DAW1: variants seen among roughly 807,000 people sequenced by gnomAD.
DAW1 encodes dynein assembly factor with WD repeat domains 1.
In DAW1, 47 loss-of-function variants were observed where a neutral mutation model predicts 56.5. The observed-to-expected ratio is 0.83, with a 90% confidence interval of 0.66 to 1.06. DAW1 has a LOEUF of 1.06. DAW1 is among the 50% of genes least tolerant of loss of function. The pLI is 0.00. For missense variants in DAW1, 505 were observed against 499.3 expected, an observed-to-expected ratio of 1.01 and a Z score of -0.11; for synonymous variants, 190 against 179.0, an observed-to-expected ratio of 1.06 and a Z score of -0.49.
At chr2:227,915,553 C>T (rs1479433080) in intron 10 of DAW1, among the ~76,000 whole-genome samples, 1 of 152,042 alleles carries the variant, frequency 6.6e-6, no homozygotes, top group Non-Finnish European at 1.5e-5. Context: ...CTGTGTGATG[C>T]TAAACTATTT....
At chr2:227,920,868 C>T (rs1316970829) in intron 11 of DAW1, among the ~76,000 whole-genome samples, 2 of 152,124 alleles carry the variant, frequency 1.3e-5, no homozygotes, top group Non-Finnish European at 2.9e-5. Context: ...TTAGTAGCGA[C>T]GGGGTTTCGC....
intron 8 of DAW1, 71 bp from the exon 9 acceptor site, chr2:227,906,165 G>T: frequency 8.3e-7 from 1 of 1,204,382 alleles, no homozygotes; most frequent in Non-Finnish European, 1.2e-6. Context: ...AGATGGGCTT[G>T]GCCTCATTAT....
At chr2:227,879,783 T>C (rs1690968571) in intron 1 of DAW1, among the ~76,000 whole-genome samples, 1 of 152,142 alleles carries the variant, frequency 6.6e-6, no homozygotes, top group Admixed American at 6.5e-5. Context: ...AACAATACAT[T>C]CTTTCTCTGT....
chr2:227,918,949 C>G, intron 11 of DAW1, 93 bp downstream of exon 11: 16 of 1,260,200 alleles, frequency 1.3e-5, no homozygotes, highest in Non-Finnish European at 1.8e-5. Context: ...AATCCCAGCA[C>G]TTTGAGAGGA....
intron 2 of DAW1, 63 bp downstream of exon 2, chr2:227,885,486 T>A: frequency 7.8e-7 from 1 of 1,277,108 alleles, no homozygotes; most frequent in Non-Finnish European, 1.1e-6. Flanking sequence ...CAGAGTGATG[T>A]GTGGATGAGC....
chr2:227,910,942 C>T (rs1455335585), intron 10 of DAW1, among the ~76,000 whole-genome samples: 1 of 151,998 alleles, frequency 6.6e-6, no homozygotes. Flanking sequence ...TTTCTGCATC[C>T]AATCATCCAT....
At chr2:227,897,058 C>G (rs921829173) in intron 5 of DAW1, among the ~76,000 whole-genome samples, 1 of 149,148 alleles carries the variant, frequency 6.7e-6, no homozygotes, top group Non-Finnish European at 1.5e-5. Flanking sequence ...TGAATTCCAG[C>G]CTGGGTGACA....
rs780156178 is a variant in DAW1, at chr2:227,904,882, A to G, written c.649-47A>G. 5.9e-6 allele frequency: 9 copies of G among 1,531,212 alleles called. No individual in the cohort carries two copies. The South Asian group carries it at 1.0e-4, about 17-fold the overall frequency. The allele number at this position is 1,531,212 out of a possible 1,614,324, so 94.9% of individuals were successfully genotyped here. A position where few individuals can be genotyped will look rare whatever the true frequency, so the allele number is the denominator to read the frequency against. ...ACTATGATATTGTACGCTTGCAGAA[A>G]TTGTTTTATCTGCAGGTATACTTGA... On this transcript the variant is annotated intron_variant, in intron 7 of 12. Coordinates refer to ENST00000309931, the MANE Select transcript of DAW1 (RefSeq NM_178821.3).
chr2:227,891,889 A>G (rs1181338314), intron 4 of DAW1, among the ~76,000 whole-genome samples: 1 of 152,176 alleles, frequency 6.6e-6, no homozygotes. Context: ...GGGAGGTTAG[A>G]GGTCAGAGGT....
intron 1 of DAW1, among the ~76,000 whole-genome samples, chr2:227,880,936 A>G (rs1288790623): frequency 1.3e-5 from 2 of 152,242 alleles, no homozygotes; most frequent in Non-Finnish European, 2.9e-5. Flanking sequence ...AAGACATGGT[A>G]CCGATGAATT....
At chr2:227,901,689 G>A (rs1278948393) in intron 6 of DAW1, among the ~76,000 whole-genome samples, 1 of 152,218 alleles carries the variant, frequency 6.6e-6, no homozygotes. Flanking sequence ...CCTGGATTGG[G>A]CATTTAGCTG....
At chr2:227,909,487 A>G (rs1574666732) in intron 10 of DAW1, among the ~76,000 whole-genome samples, 1 of 151,384 alleles carries the variant, frequency 6.6e-6, no homozygotes, top group South Asian at 2.1e-4. Flanking sequence ...CCAATATTAT[A>G]TAAGTATACA....
In DAW1 at chr2:227,891,292, C is replaced by T. The variant is rs199698228; in HGVS notation, c.296C>T (p.Ala99Val). The stretch of plus-strand genomic sequence containing the variant: ...CATATATTGCCACTGACTAATGTTG[C>T]ACTTAACAAATCGGGCTCATGGTAA... The part of the protein sequence containing the change: ...KAHILPLTNV[A>V]LNKSGSCFIT... The change falls in exon 4 of 13, where the codon GCA becomes GTA. Residue 99 changes from alanine to valine, a missense_variant. Physicochemically the swap from Ala to Val is moderately conservative, Grantham distance 64. Coordinates refer to ENST00000309931, the MANE Select transcript of DAW1 (RefSeq NM_178821.3). 6.2e-7 allele frequency: 1 copy of T among 1,613,510 alleles called. No individual in the cohort carries two copies.
intron 10 of DAW1, among the ~76,000 whole-genome samples, chr2:227,908,330 G>A (rs1691734944): frequency 6.6e-6 from 1 of 152,088 alleles, no homozygotes; most frequent in Admixed American, 6.5e-5. Context: ...GCAAAACCAT[G>A]ATCATCTTGC....
rs1316795482 is a variant in DAW1 at position 227,892,718 on chromosome 2, C to G, written c.318-1077C>G. Among the ~76,000 whole-genome samples, 3 of 152,156 alleles carry G rather than the reference C, an allele frequency of 2.0e-5. No individual in the cohort carries two copies. The East Asian group carries it at 5.8e-4, about 29-fold the overall frequency. On this transcript the variant is annotated intron_variant, in intron 4 of 12. Coordinates refer to ENST00000309931, the MANE Select transcript of DAW1 (RefSeq NM_178821.3). ...TGTTTAGTTGAGTTTCGCTATTAGACTTTTCTTCACCTTTTCTTGTTACCA... is the reference window on the plus strand; with the variant it reads ...TGTTTAGTTGAGTTTCGCTATTAGAGTTTTCTTCACCTTTTCTTGTTACCA...
chr2:227,883,945 T>A (rs1442440310), intron 1 of DAW1, among the ~76,000 whole-genome samples: 5 of 152,200 alleles, frequency 3.3e-5, no homozygotes, highest in Non-Finnish European at 5.9e-5. Context: ...TCCTAAATAA[T>A]TTTTAAGAGT....
At position 227,918,167 on chromosome 2, in the gene DAW1, TC is replaced by T. The variant is rs1559315168; in HGVS notation, c.974-611del. On this transcript the variant is annotated intron_variant, in intron 10 of 12. Coordinates refer to ENST00000309931, the MANE Select transcript of DAW1 (RefSeq NM_178821.3). ...GTCCATCCATCCATCCATCCATCCA[TC>T]CATCATCCATCCATCCATCCATCCA... 1.1e-3 allele frequency among the ~76,000 whole-genome samples: 112 copies of T among 99,740 alleles called. 1 individual carries two copies. Among genetic ancestry groups the T allele is most frequent in the African/African-American group, 3.3e-3 (93 of 28,434 alleles). The allele number at this position is 99,740 out of a possible 152,430, so 65.4% of individuals were successfully genotyped here.
rs1221153381 is a variant in DAW1, at chr2:227,923,936, A to G, written c.1216A>G (p.Ser406Gly). The G allele has an allele frequency of 1.2e-6, 2 of 1,614,040 alleles. No homozygotes were observed. The highest frequency in any genetic ancestry group is 8.5e-7 in the Non-Finnish European group (1 of 1,179,880). Residue 406 changes from serine (S) to glycine (G), a missense_variant and splice_region_variant, in exon 13 of 13, where the codon AGC becomes GGC. Ser to Gly is a moderately conservative substitution (Grantham distance 56). Coordinates refer to ENST00000309931, the MANE Select transcript of DAW1 (RefSeq NM_178821.3). ...NYKGNIVITG[S>G]KDNTCRIWR ...CTGCATGAAATCTGTTTTATTAGGC[A>G]GCAAGGATAATACCTGTAGGATATG...
At position 227,903,253 on chromosome 2, in the gene DAW1, C is replaced by T. The variant is rs924977236; in HGVS notation, c.648+144C>T. 5 of 832,980 alleles carry T rather than the reference C, an allele frequency of 6.0e-6. No individual in the cohort carries two copies. The African/African-American group carries it at 8.6e-5, about 14-fold the overall frequency. The allele number at this position is 832,980 out of a possible 1,614,324, so 51.6% of individuals were successfully genotyped here. A position where few individuals can be genotyped will look rare whatever the true frequency, so the allele number is the denominator to read the frequency against. On this transcript the variant is annotated intron_variant, in intron 7 of 12. Coordinates refer to ENST00000309931, the MANE Select transcript of DAW1 (RefSeq NM_178821.3). ...AAGAGTGTCCCTACTGGTTTCCTGG[C>T]TATTCCAAAAGACTTGGGTGGAGGT...
Sources: gnomAD v4.1 joint callset for allele counts (sites outside exome capture counted in the v4.1 genomes callset) on GRCh38, gnomAD v4.1.1 for gene constraint, MANE v1.5 for transcripts, NCBI Gene and HGNC (gene_info 2026-07-23, HGNC 2026-07-21) for gene names.